PPIAL4A: variants seen among roughly 807,000 people sequenced by gnomAD.
The protein encoded by PPIAL4A is peptidyl-prolyl cis-trans isomerase A-like 4A.
A neutral mutation model predicts 7.2 loss-of-function variants in PPIAL4A; 6 were observed. That is an observed-to-expected ratio of 0.83 (90% confidence interval 0.46 to 1.65). PPIAL4A has a LOEUF of 1.65. PPIAL4A is among the 40% of genes most tolerant of loss of function. The probability of loss-of-function intolerance (pLI) is 0.01; values close to 1 mark genes in which losing one functional copy is unlikely to be tolerated. For missense variants in PPIAL4A, 212 were observed against 209.4 expected, an observed-to-expected ratio of 1.01 and a Z score of -0.08; for synonymous variants, 53 against 75.1, an observed-to-expected ratio of 0.71 and a Z score of 1.52.
At position 120,890,226 on chromosome 1, in the gene PPIAL4A, G is replaced by T; in HGVS notation, c.406G>T (p.Val136Leu). 1 of 1,456,676 alleles carries T rather than the reference G, an allele frequency of 6.9e-7. No individual in the cohort carries two copies. The highest frequency in any genetic ancestry group is 2.3e-5 in the East Asian group (1 of 44,316). The allele number at this position is 1,456,676 out of a possible 1,614,324, so 90.2% of individuals were successfully genotyped here. ...GGCCTTTGGCAAGGTGAAAGAACGTGTGAATATTGTGGAAGCCATGGAGCA... is the reference window on the plus strand; with the variant it reads ...GGCCTTTGGCAAGGTGAAAGAACGTTTGAATATTGTGGAAGCCATGGAGCA... ...HVAFGKVKER[V>L]NIVEAMEHFG... Residue 136 changes from valine to leucine, a missense_variant, in exon 1 of 1, where the codon GTG (valine) becomes TTG (leucine). Transcript: ENST00000577856.
Position 120,890,048 on chromosome 1 carries a change from G to A in PPIAL4A, c.228G>A (p.Lys76=). The A allele has an allele frequency of 3.4e-6, 5 of 1,472,560 alleles. 1 individual carries two copies. The highest frequency in any genetic ancestry group is 4.5e-5 in the East Asian group (2 of 44,512). The allele number at this position is 1,472,560 out of a possible 1,614,324, so 91.2% of individuals were successfully genotyped here. Residue 76 remains lysine, a synonymous_variant, in exon 1 of 1, where the codon AAG becomes AAA. Transcript: ENST00000577856. The stretch of plus-strand genomic sequence containing the variant: ...CACGCCATAATGGCACTGGTGACAA[G>A]TCCATCTATGGGGAGAAATTTGATG... ...DFTRHNGTGD[K]SIYGEKFDDE... is the part of the protein sequence containing the mutation.
chr1:120,890,128 C>A lies in PPIAL4A; in HGVS notation c.308C>A (p.Ala103Asp). ...TCTGGCATCTTGTCCATGGCAAATG[C>A]TGGACCCAACACAAATGGTTCCCAG... Reference protein sequence around the residue: ...TGSGILSMANAGPNTNGSQFF... With the variant: ...TGSGILSMANDGPNTNGSQFF... The change falls in exon 1 of 1, where the codon GCT (alanine) becomes GAT (aspartate). Residue 103 changes from alanine (A) to aspartate (D), a missense_variant. Physicochemically the swap from Ala to Asp is moderately radical, Grantham distance 126 (BLOSUM62 -2). Coordinates refer to ENST00000577856, the MANE Select transcript of PPIAL4A (RefSeq NM_001143883.4). 6.4e-7 allele frequency: 1 copy of A among 1,550,818 alleles called. No homozygotes were observed. Among genetic ancestry groups the A allele is most frequent in the Non-Finnish European group, 8.7e-7 (1 of 1,149,896 alleles).
chr1:120,890,163 T>G lies in PPIAL4A; in HGVS notation c.343T>G (p.Cys115Gly), dbSNP rs1653228878. ...PNTNGSQFFI[C>G]AAKTEWLDGK... ...CACAAATGGTTCCCAGTTTTTCATC[T>G]GTGCTGCCAAGACTGAGTGGTTGGA... is the stretch of plus-strand genomic sequence containing the variant. The change falls in exon 1 of 1, where the codon TGT becomes GGT. Residue 115 changes from cysteine to glycine, a missense_variant. By Grantham distance (159) the Cys-to-Gly change is radical. Coordinates refer to ENST00000577856, the MANE Select transcript of PPIAL4A (RefSeq NM_001143883.4). 6.5e-7 allele frequency: 1 copy of G among 1,550,020 alleles called. No individual in the cohort carries two copies. The highest frequency in any genetic ancestry group is 8.7e-7 in the Non-Finnish European group (1 of 1,150,042).
At position 120,890,018 on chromosome 1, in the gene PPIAL4A, C is replaced by G; in HGVS notation, c.198C>G (p.Asp66Glu). ...CAGGGTTTATGTGTCAGGGTGGTGA[C>G]TTCACACGCCATAATGGCACTGGTG... Reference protein sequence around the residue: ...IIPGFMCQGGDFTRHNGTGDK... With the variant: ...IIPGFMCQGGEFTRHNGTGDK... Residue 66 changes from aspartate (D) to glutamate (E), a missense_variant, in exon 1 of 1, where the codon GAC becomes GAG. Transcript: ENST00000577856. 2 of 1,471,490 alleles carry G rather than the reference C, an allele frequency of 1.4e-6. No homozygotes were observed. 91.2% of individuals were successfully genotyped at this position (1,471,490 alleles called of 1,614,324 possible).
Position 120,890,075 on chromosome 1 carries a change from T to C in PPIAL4A, c.255T>C (p.Asp85=). Residue 85 remains aspartate, a synonymous_variant, in exon 1 of 1, where the codon GAT becomes GAC. Transcript: ENST00000577856. ...DKSIYGEKFD[D]ENLIRKHTGS... The stretch of plus-strand genomic sequence containing the variant: ...CCATCTATGGGGAGAAATTTGATGA[T>C]GAGAACCTCATCCGAAAGCATACAG... 6.0e-6 allele frequency: 9 copies of C among 1,489,932 alleles called. 1 individual carries two copies. Among genetic ancestry groups the C allele is most frequent in the Non-Finnish European group, 8.2e-6 (9 of 1,099,350 alleles). 92.3% of individuals were successfully genotyped at this position (1,489,932 alleles called of 1,614,324 possible).
chr1:120,890,002 T>C lies in PPIAL4A; in HGVS notation c.182T>C (p.Met61Thr). 3 of 1,472,686 alleles carry C rather than the reference T, an allele frequency of 2.0e-6. No individual in the cohort carries two copies. The highest frequency in any genetic ancestry group is 2.8e-6 in the Non-Finnish European group (3 of 1,086,528). The allele number at this position is 1,472,686 out of a possible 1,614,324, so 91.2% of individuals were successfully genotyped here. A position where few individuals can be genotyped will look rare whatever the true frequency, so the allele number is the denominator to read the frequency against. The change falls in exon 1 of 1, where the codon ATG becomes ACG. Residue 61 changes from methionine to threonine, a missense_variant. Transcript: ENST00000577856. ...SCFHRIIPGF[M>T]CQGGDFTRHN... ...TTTCACAGAATTATTCCAGGGTTTA[T>C]GTGTCAGGGTGGTGACTTCACACGC...
chr1:120,889,906 T>G lies in PPIAL4A; in HGVS notation c.86T>G (p.Ile29Ser). 5.4e-6 allele frequency: 8 copies of G among 1,470,424 alleles called. 2 individuals carry two copies. Among genetic ancestry groups the G allele is most frequent in the Non-Finnish European group, 5.5e-6 (6 of 1,085,798 alleles). 91.1% of individuals were successfully genotyped at this position (1,470,424 alleles called of 1,614,324 possible). A position where few individuals can be genotyped will look rare whatever the true frequency, so the allele number is the denominator to read the frequency against. The change falls in exon 1 of 1, where the codon ATT (isoleucine) becomes AGT (serine). Residue 29 changes from isoleucine to serine, a missense_variant. Physicochemically the swap from Ile to Ser is moderately radical, Grantham distance 142. Transcript: ENST00000577856. ...RISIKLFADK[I>S]LKTAENFRAL... is the part of the protein sequence containing the mutation. ...TCCATCAAACTGTTTGCAGACAAGA[T>G]TCTAAAGACAGCGGAAAACTTTCGT...
chr1:120,889,936 T>G lies in PPIAL4A; in HGVS notation c.116T>G (p.Leu39Arg). 6.8e-7 allele frequency: 1 copy of G among 1,471,730 alleles called. No individual in the cohort carries two copies. Among genetic ancestry groups the G allele is most frequent in the African/African-American group, 2.0e-5 (1 of 51,266 alleles). The allele number at this position is 1,471,730 out of a possible 1,614,324, so 91.2% of individuals were successfully genotyped here. ...AAGACAGCGGAAAACTTTCGTGCTC[T>G]GAGCACTGGAGAGAAAGGATTTCGT... ...ILKTAENFRALSTGEKGFRYK... is the reference protein window; with the variant it reads ...ILKTAENFRARSTGEKGFRYK... The change falls in exon 1 of 1, where the codon CTG becomes CGG. Residue 39 changes from leucine to arginine, a missense_variant. Physicochemically the swap from Leu to Arg is moderately radical, Grantham distance 102. Coordinates refer to ENST00000577856, the MANE Select transcript of PPIAL4A (RefSeq NM_001143883.4).
chr1:120,890,188 A>G lies in PPIAL4A; in HGVS notation c.368A>G (p.Asp123Gly), dbSNP rs1185424129. 5.2e-6 allele frequency: 8 copies of G among 1,532,230 alleles called. No homozygotes were observed. The East Asian group carries it at 1.6e-4, about 30-fold the overall frequency. 94.9% of individuals were successfully genotyped at this position (1,532,230 alleles called of 1,614,324 possible). A position where few individuals can be genotyped will look rare whatever the true frequency, so the allele number is the denominator to read the frequency against. ...FICAAKTEWLDGKHVAFGKVK... is the reference protein window; with the variant it reads ...FICAAKTEWLGGKHVAFGKVK... ...TGTGCTGCCAAGACTGAGTGGTTGGATGGCAAGCATGTGGCCTTTGGCAAG... is the reference window on the plus strand; with the variant it reads ...TGTGCTGCCAAGACTGAGTGGTTGGGTGGCAAGCATGTGGCCTTTGGCAAG... The change falls in exon 1 of 1, where the codon GAT becomes GGT. Residue 123 changes from aspartate (D) to glycine (G), a missense_variant. By Grantham distance (94) the Asp-to-Gly change is moderately conservative. Coordinates refer to ENST00000577856, the MANE Select transcript of PPIAL4A (RefSeq NM_001143883.4).
Position 120,889,995 on chromosome 1 carries a change from G to C in PPIAL4A, c.175G>C (p.Gly59Arg). 6.8e-7 allele frequency: 1 copy of C among 1,474,294 alleles called. No homozygotes were observed. The highest frequency in any genetic ancestry group is 9.2e-7 in the Non-Finnish European group (1 of 1,087,174). 91.3% of individuals were successfully genotyped at this position (1,474,294 alleles called of 1,614,324 possible). Residue 59 changes from glycine to arginine, a missense_variant, in exon 1 of 1, where the codon GGG (glycine) becomes CGG (arginine). Physicochemically the swap from Gly to Arg is moderately radical, Grantham distance 125 (BLOSUM62 -2). Coordinates refer to ENST00000577856, the MANE Select transcript of PPIAL4A (RefSeq NM_001143883.4). Reference protein sequence around the residue: ...KGSCFHRIIPGFMCQGGDFTR... With the variant: ...KGSCFHRIIPRFMCQGGDFTR... Reference sequence around the variant, plus strand: ...TTCCTGCTTTCACAGAATTATTCCAGGGTTTATGTGTCAGGGTGGTGACTT... The same window carrying C: ...TTCCTGCTTTCACAGAATTATTCCACGGTTTATGTGTCAGGGTGGTGACTT...
In PPIAL4A at chr1:120,890,394, G is replaced by C. The variant is rs1653234203; in HGVS notation, c.*79G>C. The C allele has an allele frequency of 1.3e-5, 13 of 997,228 alleles. No individual in the cohort carries two copies. The highest frequency in any genetic ancestry group is 2.5e-5 in the Admixed American group (1 of 40,308). 61.8% of individuals were successfully genotyped at this position (997,228 alleles called of 1,614,324 possible). A position where few individuals can be genotyped will look rare whatever the true frequency, so the allele number is the denominator to read the frequency against. On this transcript the variant is annotated 3_prime_UTR_variant, in exon 1 of 1. Coordinates refer to ENST00000577856, the MANE Select transcript of PPIAL4A (RefSeq NM_001143883.4). Reference sequence around the variant, plus strand: ...AGGAGAGCACCCCTCCACCACATTTGCTTGCAATATCCTAGAATCTTTGTG... The same window carrying C: ...AGGAGAGCACCCCTCCACCACATTTCCTTGCAATATCCTAGAATCTTTGTG...
rs1653221833 is a variant in PPIAL4A at position 120,889,905 on chromosome 1, A to T, written c.85A>T (p.Ile29Phe). ...CTCCATCAAACTGTTTGCAGACAAG[A>T]TTCTAAAGACAGCGGAAAACTTTCG... ...RISIKLFADK[I>F]LKTAENFRAL... is the part of the protein sequence containing the mutation. The change falls in exon 1 of 1, where the codon ATT (isoleucine) becomes TTT (phenylalanine). Residue 29 changes from isoleucine to phenylalanine, a missense_variant. Physicochemically the swap from Ile to Phe is conservative, Grantham distance 21 (BLOSUM62 0). Transcript: ENST00000577856. 7.5e-6 allele frequency: 11 copies of T among 1,470,562 alleles called. 2 individuals carry two copies. The highest frequency in any genetic ancestry group is 1.0e-5 in the Non-Finnish European group (11 of 1,085,846). The allele number at this position is 1,470,562 out of a possible 1,614,324, so 91.1% of individuals were successfully genotyped here.
At position 120,890,018 on chromosome 1, in the gene PPIAL4A, C is replaced by A. The variant is rs1191686222; in HGVS notation, c.198C>A (p.Asp66Glu). ...IIPGFMCQGG[D>E]FTRHNGTGDK... ...CAGGGTTTATGTGTCAGGGTGGTGA[C>A]TTCACACGCCATAATGGCACTGGTG... The change falls in exon 1 of 1, where the codon GAC (aspartate) becomes GAA (glutamate). Residue 66 changes from aspartate (D) to glutamate (E), a missense_variant. Asp to Glu is a conservative substitution (Grantham distance 45). Coordinates refer to ENST00000577856, the MANE Select transcript of PPIAL4A (RefSeq NM_001143883.4). The A allele has an allele frequency of 2.7e-6, 4 of 1,471,490 alleles. No individual in the cohort carries two copies. Among genetic ancestry groups the A allele is most frequent in the Non-Finnish European group, 1.8e-6 (2 of 1,086,134 alleles). 91.2% of individuals were successfully genotyped at this position (1,471,490 alleles called of 1,614,324 possible).
At position 120,889,960 on chromosome 1, in the gene PPIAL4A, G is replaced by A. The variant is rs1270510528; in HGVS notation, c.140G>A (p.Arg47His). The change falls in exon 1 of 1, where the codon CGT (arginine) becomes CAT (histidine). Residue 47 changes from arginine (R) to histidine (H), a missense_variant. Physicochemically the swap from Arg to His is conservative, Grantham distance 29. Transcript: ENST00000577856. ...RALSTGEKGF[R>H]YKGSCFHRII... The stretch of plus-strand genomic sequence containing the variant: ...CTGAGCACTGGAGAGAAAGGATTTC[G>A]TTATAAGGGTTCCTGCTTTCACAGA... 23 of 1,474,060 alleles carry A rather than the reference G, an allele frequency of 1.6e-5. 1 individual carries two copies. The East Asian group carries it at 2.2e-4, about 14-fold the overall frequency. 91.3% of individuals were successfully genotyped at this position (1,474,060 alleles called of 1,614,324 possible). A position where few individuals can be genotyped will look rare whatever the true frequency, so the allele number is the denominator to read the frequency against.
chr1:120,890,503 T>A lies in PPIAL4A; in HGVS notation c.*188T>A. 1 of 414,966 alleles carries A rather than the reference T, an allele frequency of 2.4e-6. No homozygotes were observed. The highest frequency in any genetic ancestry group is 2.4e-5 in the South Asian group (1 of 41,116). 25.7% of individuals were successfully genotyped at this position (414,966 alleles called of 1,614,324 possible). ...GGATTGCAGAGTTGAGTTAAGTTTATGATTATGAAATAAAAACTAAGTAAC... is the reference window on the plus strand; with the variant it reads ...GGATTGCAGAGTTGAGTTAAGTTTAAGATTATGAAATAAAAACTAAGTAAC... On this transcript the variant is annotated 3_prime_UTR_variant, in exon 1 of 1. Coordinates refer to ENST00000577856, the MANE Select transcript of PPIAL4A (RefSeq NM_001143883.4).
In PPIAL4A at chr1:120,890,292, A is replaced by G. The variant is rs1653232057; in HGVS notation, c.472A>G (p.Ile158Val). 105 of 1,424,590 alleles carry G rather than the reference A, an allele frequency of 7.4e-5. 13 individuals carry two copies. In the South Asian group the frequency reaches 1.1e-3, roughly 15 times the overall value. 88.2% of individuals were successfully genotyped at this position (1,424,590 alleles called of 1,614,324 possible). A position where few individuals can be genotyped will look rare whatever the true frequency, so the allele number is the denominator to read the frequency against. The change falls in exon 1 of 1, where the codon ATT (isoleucine) becomes GTT (valine). Residue 158 changes from isoleucine to valine, a missense_variant. Ile to Val is a conservative substitution (Grantham distance 29, BLOSUM62 3). Transcript: ENST00000577856. ...RNSKTSKKIT[I>V]ADCGQF ...TAGCAAGACCAGCAAGAAGATCACC[A>G]TTGCTGACTGTGGACAATTCTAATG...
chr1:120,890,191 G>A lies in PPIAL4A; in HGVS notation c.371G>A (p.Gly124Asp), dbSNP rs1422888978. The change falls in exon 1 of 1, where the codon GGC becomes GAC. Residue 124 changes from glycine to aspartate, a missense_variant. By Grantham distance (94) the Gly-to-Asp change is moderately conservative. Coordinates refer to ENST00000577856, the MANE Select transcript of PPIAL4A (RefSeq NM_001143883.4). ...GCTGCCAAGACTGAGTGGTTGGATG[G>A]CAAGCATGTGGCCTTTGGCAAGGTG... ...ICAAKTEWLD[G>D]KHVAFGKVKE... is the part of the protein sequence containing the mutation. 189 of 1,525,618 alleles carry A rather than the reference G, an allele frequency of 1.2e-4. 35 individuals are homozygous for A. In the African/African-American group the frequency reaches 1.5e-3, roughly 12 times the overall value. 94.5% of individuals were successfully genotyped at this position (1,525,618 alleles called of 1,614,324 possible). A position where few individuals can be genotyped will look rare whatever the true frequency, so the allele number is the denominator to read the frequency against.
Position 120,889,846 on chromosome 1 carries a change from A to C in PPIAL4A, c.26A>C (p.Asp9Ala). 1 of 1,468,330 alleles carries C rather than the reference A, an allele frequency of 6.8e-7. No individual in the cohort carries two copies. The highest frequency in any genetic ancestry group is 9.2e-7 in the Non-Finnish European group (1 of 1,085,066). 91.0% of individuals were successfully genotyped at this position (1,468,330 alleles called of 1,614,324 possible). ...ATGGTCAACTCCGTCGTCTTTTTTG[A>C]CATCACCGTCGACGGCAAGCCCTTG... MVNSVVFF[D>A]ITVDGKPLGR... is the part of the protein sequence containing the mutation. Residue 9 changes from aspartate (D) to alanine (A), a missense_variant, in exon 1 of 1, where the codon GAC (aspartate) becomes GCC (alanine). Asp to Ala is a moderately radical substitution (Grantham distance 126, BLOSUM62 -2). Transcript: ENST00000577856.
rs2101587851 is a variant in PPIAL4A at position 120,890,043 on chromosome 1, G to A, written c.223G>A (p.Asp75Asn). 2.0e-6 allele frequency: 3 copies of A among 1,471,812 alleles called. 1 individual carries two copies. The South Asian group carries it at 3.5e-5, about 17-fold the overall frequency. The allele number at this position is 1,471,812 out of a possible 1,614,324, so 91.2% of individuals were successfully genotyped here. A position where few individuals can be genotyped will look rare whatever the true frequency, so the allele number is the denominator to read the frequency against. Reference sequence around the variant, plus strand: ...CTTCACACGCCATAATGGCACTGGTGACAAGTCCATCTATGGGGAGAAATT... The same window carrying A: ...CTTCACACGCCATAATGGCACTGGTAACAAGTCCATCTATGGGGAGAAATT... ...GDFTRHNGTG[D>N]KSIYGEKFDD... Residue 75 changes from aspartate to asparagine, a missense_variant, in exon 1 of 1, where the codon GAC (aspartate) becomes AAC (asparagine). By Grantham distance (23) the Asp-to-Asn change is conservative. Coordinates refer to ENST00000577856, the MANE Select transcript of PPIAL4A (RefSeq NM_001143883.4).
Sources: allele counts gnomAD v4.1 joint callset, GRCh38; gene constraint gnomAD v4.1.1; transcripts MANE v1.5; gene names NCBI Gene and HGNC (gene_info 2026-07-23, HGNC 2026-07-21).